Variants in LRRTM4 observed in about 807,000 individuals in gnomAD.
The protein encoded by LRRTM4 is leucine-rich repeat transmembrane neuronal protein 4.
LRRTM4 carries 25 observed loss-of-function variants against 47.6 expected under a neutral mutation model. The observed-to-expected ratio is 0.53, with a 90% confidence interval of 0.38 to 0.73. The LOEUF (loss-of-function observed/expected upper bound fraction) is 0.73, where lower values mean the gene tolerates loss of function less well. Ranked by LOEUF, LRRTM4 falls within the 30% of genes least tolerant of loss-of-function variation. The pLI is 0.00. For missense variants in LRRTM4, 638 were observed against 713.4 expected (o/e 0.89, Z 1.20); for synonymous variants, 311 against 269.5 (o/e 1.15, Z -1.51).
intron 3 of LRRTM4, among the ~76,000 whole-genome samples, chr2:77,440,873 T>C (rs1675812847): frequency 6.6e-6 from 1 of 152,238 alleles, no homozygotes; most frequent in Non-Finnish European, 1.5e-5. Context: ...ATGAGTGTAA[T>C]ATTTTAATAG....
At chr2:76,764,643 A>C (rs1337177575) in intron 3 of LRRTM4, among the ~76,000 whole-genome samples, 1 of 152,128 alleles carries the variant, frequency 6.6e-6, no homozygotes, top group African/African-American at 2.4e-5. Context: ...AACAAAACAA[A>C]AAAAACAAAC....
chr2:77,290,914 G>A (rs1183720591), intron 3 of LRRTM4, among the ~76,000 whole-genome samples: 2 of 151,936 alleles, frequency 1.3e-5, no homozygotes, highest in East Asian at 3.9e-4. Context: ...TGCCTCCTTA[G>A]TGCCCTGTGA....
chr2:76,762,091 T>A (rs756463399), intron 3 of LRRTM4, among the ~76,000 whole-genome samples: 4 of 152,174 alleles, frequency 2.6e-5, no homozygotes, highest in Non-Finnish European at 4.4e-5. Flanking sequence ...ATGCCAAAGA[T>A]CACAGGGCTT....
chr2:77,034,119 TTAAAG>T (rs201875434), intron 3 of LRRTM4, among the ~76,000 whole-genome samples: 1,954 of 151,976 alleles, frequency 0.013, 44 homozygotes, highest in African/African-American at 0.045. Flanking sequence ...AATAAGATTT[TTAAAG>T]TAAAGATTTC....
At chr2:77,072,450 G>C (rs1051252575) in intron 3 of LRRTM4, among the ~76,000 whole-genome samples, 2 of 152,098 alleles carry the variant, frequency 1.3e-5, no homozygotes, top group Admixed American at 6.5e-5. Flanking sequence ...TGAATCCAAA[G>C]ATTTAGAGCA....
chr2:77,360,544 TCATTCATA>T (rs1672166884), intron 3 of LRRTM4, among the ~76,000 whole-genome samples: 2 of 137,386 alleles, frequency 1.5e-5, no homozygotes, highest in Non-Finnish European at 3.1e-5. Context: ...TACAATACAA[TCATTCATA>T]CATACATACA....
chr2:77,152,880 T>C (rs1272592480), intron 3 of LRRTM4, among the ~76,000 whole-genome samples: 3 of 152,200 alleles, frequency 2.0e-5, no homozygotes, highest in Non-Finnish European at 2.9e-5. Flanking sequence ...CAATGTGGAA[T>C]ATTTAAATCA....
chr2:77,159,237 C>A (rs993729166), intron 3 of LRRTM4, among the ~76,000 whole-genome samples: 1 of 152,082 alleles, frequency 6.6e-6, no homozygotes, highest in Non-Finnish European at 1.5e-5. Context: ...AAAAACATAA[C>A]CACTAATAGC....
rs1301713712 is a variant in LRRTM4 at position 76,796,455 on chromosome 2, T to C, written c.1552-47539A>G. ...GAAGAGAGCTGTGGTTCTCCCAGCA[T>C]GCAGCTGGAGATCTGAGAATGGGCA... On this transcript the variant is annotated intron_variant, in intron 3 of 3. Transcript: ENST00000409884. 4.5e-5 allele frequency among the ~76,000 whole-genome samples: 6 copies of C among 133,124 alleles called. No homozygotes were observed. The Admixed American group carries it at 4.6e-4, about 10-fold the overall frequency. The allele number at this position is 133,124 out of a possible 152,430, so 87.3% of individuals were successfully genotyped here.
At chr2:77,252,989 A>T (rs1675663624) in intron 3 of LRRTM4, among the ~76,000 whole-genome samples, 1 of 151,858 alleles carries the variant, frequency 6.6e-6, no homozygotes, top group Non-Finnish European at 1.5e-5. Context: ...ATTGCCTTAA[A>T]TTTCTCCTGT....
In LRRTM4 at chr2:77,489,879, T is replaced by A. The variant is rs555250179; in HGVS notation, c.1551+28439A>T. 6.2e-4 allele frequency among the ~76,000 whole-genome samples: 94 copies of A among 152,298 alleles called. 1 individual carries two copies. The highest frequency in any genetic ancestry group is 2.2e-3 in the African/African-American group (91 of 41,582). ...AACTTTGGGTTCAGTCTTGCTAACT[T>A]ATGAGTGTGAACAGTGAAACATATC... On this transcript the variant is annotated intron_variant, in intron 3 of 3. Transcript: ENST00000409884.
chr2:77,473,909 C>T (rs114269573), intron 3 of LRRTM4, among the ~76,000 whole-genome samples: 1,803 of 152,224 alleles, frequency 0.012, 39 homozygotes, highest in African/African-American at 0.041. Context: ...ATCATTCTTA[C>T]GAATAACCAT....
At chr2:76,953,382 T>A (rs778392470) in intron 3 of LRRTM4, among the ~76,000 whole-genome samples, 6 of 151,842 alleles carry the variant, frequency 4.0e-5, no homozygotes, top group Non-Finnish European at 7.4e-5. Context: ...CCAAGAATAG[T>A]TGCTTTGAAA....
chr2:76,831,126 G>A (rs1671339092), intron 3 of LRRTM4, among the ~76,000 whole-genome samples: 1 of 151,974 alleles, frequency 6.6e-6, no homozygotes. Context: ...AATTTTATTT[G>A]TAATTTTGAA....
chr2:76,989,798 ACTT>A (rs1380110728), intron 3 of LRRTM4: 4 of 151,774 alleles, frequency 2.6e-5, no homozygotes, highest in African/African-American at 7.2e-5. Context: ...ATGTTTCTAA[ACTT>A]CTTTTTTTCC....
At chr2:77,223,647 T>C (rs7340313) in intron 3 of LRRTM4, among the ~76,000 whole-genome samples, 14 of 152,200 alleles carry the variant, frequency 9.2e-5, no homozygotes, top group African/African-American at 3.1e-4. Flanking sequence ...GAATCCAACT[T>C]ACAAGGGATG....
chr2:76,749,359 T>C (rs1449056135), intron 3 of LRRTM4, among the ~76,000 whole-genome samples: 1 of 152,178 alleles, frequency 6.6e-6, no homozygotes, highest in African/African-American at 2.4e-5. Flanking sequence ...TGATCTGTTT[T>C]GTGTAAATAA....
intron 3 of LRRTM4, among the ~76,000 whole-genome samples, chr2:77,340,023 T>C (rs1002893923): frequency 6.6e-6 from 1 of 151,988 alleles, no homozygotes; most frequent in Admixed American, 6.6e-5. Context: ...AATGCTAGGA[T>C]AAAACAGATG....
intron 3 of LRRTM4, among the ~76,000 whole-genome samples, chr2:76,833,534 GT>G (rs1317837086): frequency 6.6e-6 from 1 of 151,978 alleles, no homozygotes; most frequent in African/African-American, 2.4e-5. Flanking sequence ...CATTTTCTCA[GT>G]TTAACTAACT....
Sources: gnomAD v4.1 joint callset for allele counts (sites outside exome capture counted in the v4.1 genomes callset) on GRCh38, gnomAD v4.1.1 for gene constraint, MANE v1.5 for transcripts, NCBI Gene and HGNC (gene_info 2026-07-23, HGNC 2026-07-21) for gene names.